Variants in SCRG1 observed in about 807,000 individuals in gnomAD.
The protein encoded by SCRG1 is scrapie-responsive protein 1.
A neutral mutation model predicts 7.7 loss-of-function variants in SCRG1; 3 were observed. That is an observed-to-expected ratio of 0.39 (90% CI 0.18 to 1.01). SCRG1 has a LOEUF of 1.01. SCRG1 is among the 50% of genes least tolerant of loss of function. The pLI, the probability that SCRG1 is intolerant of heterozygous loss-of-function variation, is 0.36. For missense variants in SCRG1, 110 were observed against 117.2 expected (o/e 0.94, Z 0.28); for synonymous variants, 46 against 41.2 (o/e 1.12, Z -0.44).
the SCRG1 span, among the ~76,000 whole-genome samples, chr4:173,513,234 C>A: frequency 2.0e-5 from 3 of 152,054 alleles, no homozygotes; most frequent in Non-Finnish European, 2.9e-5. Flanking sequence ...CTCTTTCTCC[C>A]TTTTTTCTTA....
chr4:173,393,091 G>GAA (rs144270068), intron 1 of SCRG1, among the ~76,000 whole-genome samples: 3 of 136,546 alleles, frequency 2.2e-5, no homozygotes, highest in Non-Finnish European at 4.7e-5. Context: ...ACTCCGTCTC[G>GAA]AAAAAAAAAA....
the SCRG1 span, among the ~76,000 whole-genome samples, chr4:173,510,755 T>A: frequency 4.6e-5 from 7 of 152,034 alleles, no homozygotes; most frequent in Non-Finnish European, 8.8e-5. This position sits in a 1 kb window ranked among gnomAD's most constrained non-coding sequence, Gnocchi z 5.7. Context: ...GACCTAGCTG[T>A]CCTCCATCCC....
the SCRG1 span, among the ~76,000 whole-genome samples, chr4:173,501,067 G>C: frequency 2.0e-5 from 3 of 152,180 alleles, no homozygotes; most frequent in Non-Finnish European, 2.9e-5. This position sits in a 1 kb window ranked among gnomAD's most constrained non-coding sequence, Gnocchi z 5.1. Flanking sequence ...ACCTGCTCTC[G>C]GACGCCGTGA....
chr4:173,429,655 T>A, the SCRG1 span, among the ~76,000 whole-genome samples: 2 of 152,152 alleles, frequency 1.3e-5, no homozygotes, highest in African/African-American at 4.8e-5. Flanking sequence ...GCTCTCTCCA[T>A]ATGGATTGTA....
At chr4:173,402,401 C>T, upstream of SCRG1, among the ~76,000 whole-genome samples, 1 of 151,454 alleles carries the variant, frequency 6.6e-6, no homozygotes, top group East Asian at 1.9e-4. Flanking sequence ...TAAGCAATTA[C>T]ATTCAAAGTA....
the SCRG1 span, among the ~76,000 whole-genome samples, chr4:173,470,368 T>C: frequency 6.6e-6 from 1 of 152,142 alleles, no homozygotes; most frequent in Non-Finnish European, 1.5e-5. Flanking sequence ...CCCTCCTTTG[T>C]GGAGCTTACA....
At chr4:173,484,019 T>C in the SCRG1 span, among the ~76,000 whole-genome samples, 1 of 97,636 alleles carries the variant, frequency 1.0e-5, no homozygotes, top group South Asian at 3.5e-4. Context: ...TTATATAATA[T>C]ATTATAATAT....
upstream of SCRG1, among the ~76,000 whole-genome samples, chr4:173,409,008 A>G (rs1208192337): frequency 4.0e-5 from 6 of 151,354 alleles, no homozygotes; most frequent in Admixed American, 6.6e-5. Context: ...AAAAAAAAAA[A>G]AAAAAAGAAA....
the SCRG1 span, among the ~76,000 whole-genome samples, chr4:173,416,911 AACACACAC>A: frequency 0.11 from 13,855 of 125,160 alleles, 1,054 homozygotes; most frequent in African/African-American, 0.15. Flanking sequence ...CACACACCCA[AACACACAC>A]ACACACACAC....
chr4:173,477,527 T>C, the SCRG1 span, among the ~76,000 whole-genome samples: 7 of 152,208 alleles, frequency 4.6e-5, no homozygotes, highest in Non-Finnish European at 5.9e-5. Flanking sequence ...GCACAGCCCA[T>C]ACCCAAGCAG....
chr4:173,502,616 G>A, the SCRG1 span, among the ~76,000 whole-genome samples: 1 of 152,100 alleles, frequency 6.6e-6, no homozygotes. This position sits in a 1 kb window ranked among gnomAD's most constrained non-coding sequence, Gnocchi z 4.6. Flanking sequence ...GGTGGCCTGA[G>A]GCTGCAAAGA....
the SCRG1 span, among the ~76,000 whole-genome samples, chr4:173,421,815 G>A: frequency 6.6e-6 from 1 of 152,174 alleles, no homozygotes; most frequent in African/African-American, 2.4e-5. Flanking sequence ...GAAGATCACT[G>A]TTGGAAGACT....
At chr4:173,497,673 C>CT in the SCRG1 span, among the ~76,000 whole-genome samples, 2,604 of 91,824 alleles carry the variant, frequency 0.028, 102 homozygotes, top group African/African-American at 0.072. Flanking sequence ...AAAACTTACT[C>CT]TTTTTTTTTT....
chr4:173,495,187 A>G, the SCRG1 span, among the ~76,000 whole-genome samples: 1 of 152,248 alleles, frequency 6.6e-6, no homozygotes, highest in Non-Finnish European at 1.5e-5. Context: ...ATTATACGAT[A>G]TCGTCGTATT....
chr4:173,499,232 G>A, the SCRG1 span, among the ~76,000 whole-genome samples: 7 of 152,334 alleles, frequency 4.6e-5, no homozygotes, highest in South Asian at 1.5e-3. The surrounding 1 kb of genome is among the most constrained non-coding windows in gnomAD (Gnocchi z 4.1). Flanking sequence ...TGAGGGCAAT[G>A]TGGGGTAATG....
chr4:173,401,697 C>A (rs138002913), upstream of SCRG1, among the ~76,000 whole-genome samples: 1 of 152,176 alleles, frequency 6.6e-6, no homozygotes, highest in African/African-American at 2.4e-5. Flanking sequence ...TGGTAATGAT[C>A]TAATCATCTC....
chr4:173,502,671 C>A, the SCRG1 span, among the ~76,000 whole-genome samples: 2 of 152,154 alleles, frequency 1.3e-5, no homozygotes, highest in Non-Finnish European at 2.9e-5. This position sits in a 1 kb window ranked among gnomAD's most constrained non-coding sequence, Gnocchi z 4.6. Context: ...CCTGTTGCAT[C>A]CCCAGCTTTC....
the SCRG1 span, chr4:173,420,071 A>G: frequency 2.7e-5 from 16 of 599,222 alleles, no homozygotes; most frequent in South Asian, 2.3e-4. Context: ...CCCTTTCATC[A>G]TCTTCTAAAT....
chr4:173,482,475 A>G, the SCRG1 span, among the ~76,000 whole-genome samples: 30 of 152,132 alleles, frequency 2.0e-4, no homozygotes, highest in Non-Finnish European at 1.5e-5. Flanking sequence ...TTTCTTGTCC[A>G]TTGATCTGGG....
Sources: allele counts gnomAD v4.1 joint callset (sites outside exome capture counted in the v4.1 genomes callset), GRCh38; gene constraint gnomAD v4.1.1; non-coding constraint Gnocchi (gnomAD v3.1); transcripts MANE v1.5; gene names NCBI Gene and HGNC (gene_info 2026-07-23, HGNC 2026-07-21).